COL24A1: variants seen among roughly 807,000 people sequenced by gnomAD.
The protein encoded by COL24A1 is collagen alpha-1(XXIV) chain.
Under a neutral mutation model 253.9 loss-of-function variants are expected in COL24A1, and 224 were observed. That is an observed-to-expected ratio of 0.88 (90% CI 0.79 to 0.99). COL24A1 has a LOEUF of 0.99. Ranked by LOEUF, COL24A1 falls within the 50% of genes least tolerant of loss-of-function variation. The pLI, the probability that COL24A1 is intolerant of heterozygous loss-of-function variation, is 0.00. For synonymous variants in COL24A1, 685 were observed against 673.7 expected, an observed-to-expected ratio of 1.02 and a Z score of -0.26; for missense variants, 2,131 against 2,068.5, an observed-to-expected ratio of 1.03 and a Z score of -0.59.
At chr1:85,874,764 G>A (rs1680940360) in intron 34 of COL24A1, 62 bp from the exon 35 acceptor site, 33 of 1,550,958 alleles carry the variant, frequency 2.1e-5, no homozygotes, top group Admixed American at 1.0e-4. Context: ...TAATTATGGA[G>A]GGCATGCCAT....
At position 85,970,263 on chromosome 1, in the gene COL24A1, T is replaced by G; in HGVS notation, c.2427A>C (p.Glu809Asp). 3.1e-6 allele frequency: 5 copies of G among 1,593,562 alleles called. No homozygotes were observed. Among genetic ancestry groups the G allele is most frequent in the Non-Finnish European group, 4.3e-6 (5 of 1,171,844 alleles). The part of the protein sequence containing the change: ...PPGLKGTQGE[E>D]GPIGAFGELG... ...GTTCCCCAAAGGCTCCAATTGGTCC[T>G]TCTTCTCCCTTAAAAAAAAAAAAAG... Residue 809 changes from glutamate to aspartate, a missense_variant, in exon 22 of 60, where the codon GAA becomes GAC. Coordinates refer to ENST00000370571, the MANE Select transcript of COL24A1 (RefSeq NM_152890.7).
At chr1:85,847,442 C>A (rs1292156038) in intron 39 of COL24A1, among the ~76,000 whole-genome samples, 2 of 152,234 alleles carry the variant, frequency 1.3e-5, no homozygotes, top group East Asian at 1.9e-4. Context: ...TATTTTATTT[C>A]CATTTTCATT....
At chr1:85,825,026 A>G (rs1176284480) in intron 43 of COL24A1, among the ~76,000 whole-genome samples, 1 of 151,314 alleles carries the variant, frequency 6.6e-6, no homozygotes, top group African/African-American at 2.4e-5. Context: ...GCACTCACTA[A>G]CTTGTCATCT....
intron 19 of COL24A1, among the ~76,000 whole-genome samples, chr1:85,988,911 A>G (rs1693977738): frequency 6.6e-6 from 1 of 152,202 alleles, no homozygotes. Context: ...GGCAACAGAA[A>G]GATGATCACA....
rs537330712 is a variant in COL24A1, at chr1:85,973,704, T to C, written c.2365-2311A>G. ...GAATGAGGTCCCCCTAACTCTCTCA[T>C]TGAAGCTATTTACTCGAGATGGAAC... On this transcript the variant is annotated intron_variant, in intron 20 of 59. Coordinates refer to ENST00000370571, the MANE Select transcript of COL24A1 (RefSeq NM_152890.7). Among the ~76,000 whole-genome samples, 7 of 152,256 alleles carry C rather than the reference T, an allele frequency of 4.6e-5. No homozygotes were observed. In the East Asian group the frequency reaches 9.7e-4, roughly 21 times the overall value.
intron 37 of COL24A1, among the ~76,000 whole-genome samples, chr1:85,856,675 T>G (rs979131210): frequency 6.6e-6 from 1 of 152,180 alleles, no homozygotes; most frequent in Admixed American, 6.6e-5. Flanking sequence ...TAAACTGCTT[T>G]CCTCCTACTC....
At chr1:85,742,788 C>CTTA (rs1279854290) in intron 57 of COL24A1, among the ~76,000 whole-genome samples, 3 of 152,102 alleles carry the variant, frequency 2.0e-5, no homozygotes, top group African/African-American at 2.4e-5. Context: ...GCTGGCTCTA[C>CTTA]CTTAACCCAT....
chr1:85,916,517 T>C (rs1443984456), intron 24 of COL24A1, among the ~76,000 whole-genome samples: 1 of 152,068 alleles, frequency 6.6e-6, no homozygotes, highest in South Asian at 2.1e-4. Context: ...ATAAATAATC[T>C]ATACATAATA....
intron 5 of COL24A1, among the ~76,000 whole-genome samples, chr1:86,107,678 G>A (rs1411969402): frequency 1.3e-5 from 2 of 151,932 alleles, no homozygotes; most frequent in African/African-American, 4.8e-5. Flanking sequence ...GGGACTACAG[G>A]CGCCTCCCAC....
intron 52 of COL24A1, among the ~76,000 whole-genome samples, chr1:85,778,382 C>A (rs1045988679): frequency 6.6e-6 from 1 of 151,978 alleles, no homozygotes; most frequent in Non-Finnish European, 1.5e-5. Context: ...GTAATACAGC[C>A]GTGAACTACT....
chr1:86,046,754 T>G, intron 12 of COL24A1, 71 bp downstream of exon 12: 1 of 1,553,172 alleles, frequency 6.4e-7, no homozygotes, highest in Non-Finnish European at 8.8e-7. Flanking sequence ...TCTTCACATT[T>G]TAATAAGTAA....
At chr1:85,938,996 A>G (rs1316204439) in intron 24 of COL24A1, among the ~76,000 whole-genome samples, 1 of 152,128 alleles carries the variant, frequency 6.6e-6, no homozygotes, top group Non-Finnish European at 1.5e-5. Flanking sequence ...GTTGCTTCCT[A>G]ATAAATACCC....
Position 85,766,788 on chromosome 1 carries a change from A to C in COL24A1, c.4375-5222T>G, listed in dbSNP as rs147674895. Among the ~76,000 whole-genome samples the C allele has an allele frequency of 4.6e-3, 705 of 152,204 alleles. 10 individuals are homozygous for C. The highest frequency in any genetic ancestry group is 0.013 in the African/African-American group (560 of 41,528). ...AGTTTAATAAATTCATAGTTTAATAAATTTTCCTCCATGGAAAATTTTAAA... is the reference window on the plus strand; with the variant it reads ...AGTTTAATAAATTCATAGTTTAATACATTTTCCTCCATGGAAAATTTTAAA... On this transcript the variant is annotated intron_variant, in intron 53 of 59. Transcript: ENST00000370571.
At chr1:86,070,851 GA>G (rs957991313) in intron 7 of COL24A1, among the ~76,000 whole-genome samples, 8 of 145,424 alleles carry the variant, frequency 5.5e-5, no homozygotes, top group South Asian at 2.2e-4. Context: ...CATTCAATCA[GA>G]AAAAAAAAAG....
At chr1:85,816,526 G>C (rs1673054972) in intron 47 of COL24A1, among the ~76,000 whole-genome samples, 1 of 152,080 alleles carries the variant, frequency 6.6e-6, no homozygotes, top group Admixed American at 6.5e-5. Flanking sequence ...CTTCTTTATA[G>C]GTCTTCTTTA....
At chr1:85,758,360 C>A (rs945643950) in intron 55 of COL24A1, among the ~76,000 whole-genome samples, 2 of 152,122 alleles carry the variant, frequency 1.3e-5, no homozygotes, top group Non-Finnish European at 2.9e-5. Context: ...TTCTTTCTCT[C>A]ACTTAATGAT....
intron 24 of COL24A1, among the ~76,000 whole-genome samples, chr1:85,917,445 A>C (rs1255075186): frequency 6.6e-6 from 1 of 151,926 alleles, no homozygotes; most frequent in African/African-American, 2.4e-5. Flanking sequence ...CCTTTGCTCA[A>C]CTTATTTTTT....
At chr1:86,024,772 CTGTT>C (rs1697869090) in intron 14 of COL24A1, among the ~76,000 whole-genome samples, 1 of 152,054 alleles carries the variant, frequency 6.6e-6, no homozygotes, top group Admixed American at 6.6e-5. Context: ...AAAAATATCT[CTGTT>C]TGGAAATTAT....
At chr1:85,854,912 C>T (rs571586712) in intron 37 of COL24A1, among the ~76,000 whole-genome samples, 7 of 152,114 alleles carry the variant, frequency 4.6e-5, no homozygotes, top group East Asian at 1.9e-4. Flanking sequence ...CCATGTTGGC[C>T]GGGATGGTCT....
Sources: allele counts gnomAD v4.1 joint callset (sites outside exome capture counted in the v4.1 genomes callset), GRCh38; gene constraint gnomAD v4.1.1; transcripts MANE v1.5; gene names NCBI Gene and HGNC (gene_info 2026-07-23, HGNC 2026-07-21).